The following ST8SIA6 variants were observed in gnomAD, a reference collection of about 807,000 sequenced individuals.
ST8SIA6 encodes ST8 alpha-N-acetyl-neuraminide alpha-2,8-sialyltransferase 6.
Under a neutral mutation model 33.6 loss-of-function variants are expected in ST8SIA6, and 39 were observed. The observed-to-expected ratio is 1.16, with a 90% CI of 0.90 to 1.52. ST8SIA6 has a LOEUF of 1.52. ST8SIA6 is among the 40% of genes most tolerant of loss of function. ST8SIA6 has a pLI of 0.00. For missense variants in ST8SIA6, 441 were observed against 443.8 expected (o/e 0.99, Z 0.06); for synonymous variants, 172 against 167.2 (o/e 1.03, Z -0.22).
intron 1 of ST8SIA6, among the ~76,000 whole-genome samples, chr10:17,453,924 C>A (rs958641725): frequency 6.6e-6 from 1 of 152,140 alleles, no homozygotes; most frequent in East Asian, 1.9e-4. Context: ...CGCTAGAGCC[C>A]CCGCAGCCCT....
chr10:17,430,130 T>G (rs1852058324), intron 2 of ST8SIA6, among the ~76,000 whole-genome samples: 1 of 152,200 alleles, frequency 6.6e-6, no homozygotes, highest in South Asian at 2.1e-4. Flanking sequence ...TAGCTCCCAT[T>G]TATAAGTGAG....
intron 3 of ST8SIA6, among the ~76,000 whole-genome samples, chr10:17,367,851 AC>A (rs1471772773): frequency 1.3e-5 from 2 of 152,148 alleles, no homozygotes; most frequent in Admixed American, 1.3e-4. Context: ...TGCATAAAAC[AC>A]CTGCTAAGAT....
At chr10:17,354,994 C>T (rs1383931988) in intron 4 of ST8SIA6, among the ~76,000 whole-genome samples, 1 of 152,098 alleles carries the variant, frequency 6.6e-6, no homozygotes, top group South Asian at 2.1e-4. Context: ...CTCAGACCCA[C>T]AATTAAGTGC....
intron 2 of ST8SIA6, among the ~76,000 whole-genome samples, chr10:17,431,335 A>G (rs894556051): frequency 6.6e-6 from 1 of 152,220 alleles, no homozygotes; most frequent in Non-Finnish European, 1.5e-5. Flanking sequence ...TTTATATAAA[A>G]GAAATTTCTT....
intron 5 of ST8SIA6, among the ~76,000 whole-genome samples, chr10:17,329,195 A>G (rs887883109): frequency 2.0e-4 from 31 of 152,324 alleles, no homozygotes; most frequent in Admixed American, 6.5e-4. Flanking sequence ...TTTATGCAAG[A>G]GGCACTATTT....
chr10:17,333,718 T>TACATATATA (rs1491246829), intron 4 of ST8SIA6, among the ~76,000 whole-genome samples: 3 of 24,280 alleles, frequency 1.2e-4, no homozygotes, highest in African/African-American at 5.2e-4. Context: ...TATATATATA[T>TACATATATA]TTTTTTTTTT....
intron 5 of ST8SIA6, among the ~76,000 whole-genome samples, chr10:17,328,972 T>G (rs551793969): frequency 1.1e-4 from 16 of 152,262 alleles, no homozygotes; most frequent in Middle Eastern, 6.8e-3. Flanking sequence ...CACATCGCCC[T>G]TGTCAAAGTC....
At position 17,318,877 on chromosome 10, in the gene ST8SIA6, T is replaced by C. The variant is rs1272755780; in HGVS notation, c.*2001A>G. On this transcript the variant is annotated 3_prime_UTR_variant, in exon 8 of 8. Transcript: ENST00000377602. ...GAAAGTTCTAAGTAATGTTCTGTTT[T>C]GGAACAAAAGAACATTATTGGCACC... 2 of 381,484 alleles carry C rather than the reference T, an allele frequency of 5.2e-6. No individual in the cohort carries two copies. The highest frequency in any genetic ancestry group is 1.0e-5 in the Non-Finnish European group (2 of 193,786). 23.6% of individuals were successfully genotyped at this position (381,484 alleles called of 1,614,324 possible). A position where few individuals can be genotyped will look rare whatever the true frequency, so the allele number is the denominator to read the frequency against.
chr10:17,357,219 G>A (rs996735513), intron 4 of ST8SIA6, among the ~76,000 whole-genome samples: 1 of 151,728 alleles, frequency 6.6e-6, no homozygotes, highest in East Asian at 1.9e-4. Flanking sequence ...TCTGCCTCCT[G>A]AGTTCAAGCG....
intron 2 of ST8SIA6, among the ~76,000 whole-genome samples, chr10:17,433,414 C>T (rs12265850): frequency 6.6e-6 from 1 of 152,070 alleles, no homozygotes; most frequent in African/African-American, 2.4e-5. Flanking sequence ...TTGGTAATCA[C>T]GGAAATTCCA....
At chr10:17,413,544 C>T (rs1376625111) in intron 2 of ST8SIA6, 1 of 152,160 alleles carries the variant, frequency 6.6e-6, no homozygotes, top group East Asian at 1.9e-4. Flanking sequence ...CTGGAAAACA[C>T]CAAATGGCTT....
intron 3 of ST8SIA6, among the ~76,000 whole-genome samples, chr10:17,389,682 G>A (rs359323): frequency 0.22 from 33,604 of 152,008 alleles, 4,795 homozygotes; most frequent in East Asian, 0.6. Context: ...GGGGTAAATC[G>A]TTCACCTGGC....
intron 2 of ST8SIA6, among the ~76,000 whole-genome samples, chr10:17,429,016 A>G (rs930039478): frequency 1.3e-5 from 2 of 151,988 alleles, no homozygotes; most frequent in African/African-American, 4.8e-5. Flanking sequence ...GTGGGGATTC[A>G]TGATGATATT....
chr10:17,380,292 G>T (rs531552242), intron 3 of ST8SIA6, among the ~76,000 whole-genome samples: 1 of 152,186 alleles, frequency 6.6e-6, no homozygotes, highest in Non-Finnish European at 1.5e-5. Context: ...ACTGGTTTGG[G>T]ATTCCATCTT....
chr10:17,385,453 C>T (rs1184350087), intron 3 of ST8SIA6, among the ~76,000 whole-genome samples: 2 of 151,822 alleles, frequency 1.3e-5, no homozygotes, highest in Non-Finnish European at 1.5e-5. Flanking sequence ...CGCCTGGGTG[C>T]AGGCGGAGTG....
intron 2 of ST8SIA6, among the ~76,000 whole-genome samples, chr10:17,437,095 A>G (rs947940547): frequency 6.6e-6 from 1 of 152,148 alleles, no homozygotes; most frequent in African/African-American, 2.4e-5. Flanking sequence ...CCAAATTGCA[A>G]TTCTATGATT....
chr10:17,411,848 T>A (rs1355127294), intron 2 of ST8SIA6, among the ~76,000 whole-genome samples: 2 of 152,302 alleles, frequency 1.3e-5, no homozygotes, highest in South Asian at 2.1e-4. Flanking sequence ...TGGCAATGAG[T>A]TCTAATGAGT....
At chr10:17,334,601 G>C (rs1848447982) in intron 4 of ST8SIA6, among the ~76,000 whole-genome samples, 1 of 150,618 alleles carries the variant, frequency 6.6e-6, no homozygotes, top group South Asian at 2.1e-4. Flanking sequence ...GTTAAGAACA[G>C]TATCACAGTC....
intron 4 of ST8SIA6, among the ~76,000 whole-genome samples, chr10:17,346,994 A>G (rs571343254): frequency 2.6e-5 from 4 of 152,330 alleles, no homozygotes; most frequent in African/African-American, 7.2e-5. Context: ...TGATTCTGCA[A>G]TCTTGAAGCA....
Sources: allele counts gnomAD v4.1 joint callset (sites outside exome capture counted in the v4.1 genomes callset), GRCh38; gene constraint gnomAD v4.1.1; transcripts MANE v1.5; gene names NCBI Gene and HGNC (gene_info 2026-07-23, HGNC 2026-07-21).